The following SGCZ variants were observed in gnomAD, a reference collection of about 807,000 sequenced individuals.
SGCZ encodes sarcoglycan zeta.
Under a neutral mutation model 41.3 loss-of-function variants are expected in SGCZ, and 40 were observed. That is an observed-to-expected ratio of 0.97 (90% CI 0.75 to 1.26). The LOEUF (loss-of-function observed/expected upper bound fraction) is 1.26. Among genes scored for constraint, SGCZ ranks in the 50% most tolerant of loss-of-function variants. The probability of loss-of-function intolerance (pLI) is 0.00; values close to 1 mark genes in which losing one functional copy is unlikely to be tolerated. For missense variants in SGCZ, 552 were observed against 369.8 expected (o/e 1.49, Z -4.04); for synonymous variants, 206 against 137.5 (o/e 1.50, Z -3.49).
chr8:14,616,385 T>C (rs762963192), intron 1 of SGCZ, among the ~76,000 whole-genome samples: 5 of 152,146 alleles, frequency 3.3e-5, no homozygotes, highest in Admixed American at 6.5e-5. Flanking sequence ...AAATTTTCTC[T>C]ACTTTGGTTC....
chr8:14,760,654 T>C (rs1181800730), intron 1 of SGCZ, among the ~76,000 whole-genome samples: 3 of 152,152 alleles, frequency 2.0e-5, no homozygotes, highest in African/African-American at 7.2e-5. Context: ...TAATTCAAAT[T>C]TCAATAAAAT....
At chr8:15,059,756 T>C (rs1313990820) in intron 1 of SGCZ, among the ~76,000 whole-genome samples, 1 of 152,230 alleles carries the variant, frequency 6.6e-6, no homozygotes, top group Non-Finnish European at 1.5e-5. Flanking sequence ...GGTAAACCAG[T>C]TAGCACGTTT....
chr8:15,063,381 C>G (rs1805010450), intron 1 of SGCZ, among the ~76,000 whole-genome samples: 2 of 151,998 alleles, frequency 1.3e-5, no homozygotes, highest in African/African-American at 4.8e-5. Context: ...AAAAGGTGGT[C>G]TACATGACCA....
intron 1 of SGCZ, among the ~76,000 whole-genome samples, chr8:15,116,464 C>A (rs1361826053): frequency 6.6e-6 from 1 of 152,082 alleles, no homozygotes; most frequent in African/African-American, 2.4e-5. Flanking sequence ...AAAAGTTTAG[C>A]ATATGGGATA....
At chr8:14,537,731 T>C (rs1447360609) in intron 2 of SGCZ, among the ~76,000 whole-genome samples, 2 of 151,818 alleles carry the variant, frequency 1.3e-5, no homozygotes, top group Admixed American at 6.6e-5. Flanking sequence ...CATTGAATGT[T>C]CCCCCCTCAT....
At chr8:14,429,351 G>A (rs1799878599) in intron 2 of SGCZ, among the ~76,000 whole-genome samples, 1 of 152,124 alleles carries the variant, frequency 6.6e-6, no homozygotes, top group African/African-American at 2.4e-5. Context: ...CATAAAGCCT[G>A]GGCTATCAGC....
intron 1 of SGCZ, among the ~76,000 whole-genome samples, chr8:14,680,972 A>AAAAAC (rs1329706721): frequency 1.5e-4 from 22 of 150,958 alleles, no homozygotes; most frequent in African/African-American, 5.1e-4. Flanking sequence ...GGGAAAAAAA[A>AAAAAC]AAAAAAAAAC....
chr8:14,655,201 C>G (rs1220770310), intron 1 of SGCZ, among the ~76,000 whole-genome samples: 1 of 152,026 alleles, frequency 6.6e-6, no homozygotes, highest in Non-Finnish European at 1.5e-5. Context: ...GTAAGTTATT[C>G]TTACTGTTTG....
At chr8:15,106,055 A>T (rs889082904) in intron 1 of SGCZ, among the ~76,000 whole-genome samples, 1 of 152,158 alleles carries the variant, frequency 6.6e-6, no homozygotes, top group African/African-American at 2.4e-5. Context: ...AAATTGATTA[A>T]ATTATCATGA....
chr8:14,261,044 G>T (rs10111543), intron 3 of SGCZ, among the ~76,000 whole-genome samples: 6 of 151,772 alleles, frequency 4.0e-5, no homozygotes, highest in African/African-American at 1.5e-4. Context: ...ACATGTATAC[G>T]TATGTAACTA....
In SGCZ at chr8:14,752,146, A is replaced by AC. The variant is rs1799520413; in HGVS notation, c.40-197221_40-197220insG. On this transcript the variant is annotated intron_variant, in intron 1 of 7. Coordinates refer to ENST00000382080, the MANE Select transcript of SGCZ (RefSeq NM_139167.4). The stretch of plus-strand genomic sequence containing the variant: ...AACAAAAAAGCCAAAAAAAAAAAAA[A>AC]AAAAAATCATACCCTTCCTCTGGAC... Among the ~76,000 whole-genome samples, 6 of 151,462 alleles carry AC rather than the reference A, an allele frequency of 4.0e-5. No homozygotes were observed. In the South Asian group the frequency reaches 1.3e-3, roughly 32 times the overall value.
chr8:14,537,132 A>C (rs1247854921), intron 2 of SGCZ, among the ~76,000 whole-genome samples: 3 of 151,902 alleles, frequency 2.0e-5, no homozygotes, highest in Non-Finnish European at 4.4e-5. Flanking sequence ...CTCCTGGTTA[A>C]AGATGTCCAC....
chr8:14,240,817 G>A (rs1409097974), intron 3 of SGCZ, among the ~76,000 whole-genome samples: 1 of 152,118 alleles, frequency 6.6e-6, no homozygotes. Flanking sequence ...CATTGCTCAT[G>A]CATTTGAGGT....
chr8:14,600,713 T>TA (rs934767301), intron 1 of SGCZ, among the ~76,000 whole-genome samples: 183 of 151,894 alleles, frequency 1.2e-3, no homozygotes, highest in Non-Finnish European at 1.4e-3. Flanking sequence ...TGATTTCAAC[T>TA]AAAAAAAATA....
intron 2 of SGCZ, among the ~76,000 whole-genome samples, chr8:14,491,704 TC>T (rs1309143989): frequency 2.0e-5 from 3 of 152,168 alleles, no homozygotes; most frequent in African/African-American, 7.2e-5. Context: ...AATAAAATTT[TC>T]TTTGTTACAC....
intron 2 of SGCZ, among the ~76,000 whole-genome samples, chr8:14,465,226 C>A (rs942235428): frequency 1.3e-5 from 2 of 151,364 alleles, no homozygotes; most frequent in African/African-American, 4.8e-5. Context: ...TCAACTTTTG[C>A]CTCATATGTT....
At chr8:14,729,902 T>TAGA (rs1188084488) in intron 1 of SGCZ, among the ~76,000 whole-genome samples, 7 of 152,092 alleles carry the variant, frequency 4.6e-5, no homozygotes, top group Non-Finnish European at 1.0e-4. Flanking sequence ...CTGGCCAACA[T>TAGA]GGTGAAACCC....
At position 14,517,747 on chromosome 8, in the gene SGCZ, T is replaced by C. The variant is rs17339682; in HGVS notation, c.234+36985A>G. The stretch of plus-strand genomic sequence containing the variant: ...TATTTTCAATTTTGACCATAATTAA[T>C]AGTATATTCATGCTTTTAGCTCTTC... On this transcript the variant is annotated intron_variant, in intron 2 of 7. Coordinates refer to ENST00000382080, the MANE Select transcript of SGCZ (RefSeq NM_139167.4). 9.5e-3 allele frequency among the ~76,000 whole-genome samples: 1,452 copies of C among 152,060 alleles called. 28 individuals are homozygous for C. The highest frequency in any genetic ancestry group is 0.032 in the African/African-American group (1,347 of 41,550).
intron 3 of SGCZ, among the ~76,000 whole-genome samples, chr8:14,247,968 G>A (rs968713217): frequency 5.9e-5 from 9 of 152,180 alleles, no homozygotes; most frequent in African/African-American, 2.2e-4. Context: ...TAGACAATCT[G>A]CAGATTTAAA....
Sources: gnomAD v4.1 joint callset for allele counts (sites outside exome capture counted in the v4.1 genomes callset) on GRCh38, gnomAD v4.1.1 for gene constraint, MANE v1.5 for transcripts, NCBI Gene and HGNC (gene_info 2026-07-23, HGNC 2026-07-21) for gene names.